The following NDST3 variants were observed in gnomAD, a reference collection of about 807,000 sequenced individuals.
NDST3 encodes the protein bifunctional heparan sulfate N-deacetylase/N-sulfotransferase 3.
A neutral mutation model predicts 96.1 loss-of-function variants in NDST3; 58 were observed. The ratio of observed to expected loss-of-function variants is 0.60; its 90% CI spans 0.49 to 0.75. The LOEUF (loss-of-function observed/expected upper bound fraction) is 0.75, where lower values mean the gene tolerates loss of function less well. Ranked by LOEUF, NDST3 falls within the 30% of genes least tolerant of loss-of-function variation. The probability of loss-of-function intolerance (pLI) is 0.00; values close to 1 mark genes in which losing one functional copy is unlikely to be tolerated. For missense variants in NDST3, 788 were observed against 1,034.2 expected (o/e 0.76, Z 3.27); for synonymous variants, 333 against 359.7 (o/e 0.93, Z 0.84).
At chr4:118,050,248 A>G (rs1300294000) in intron 1 of NDST3, among the ~76,000 whole-genome samples, 2 of 152,178 alleles carry the variant, frequency 1.3e-5, no homozygotes, top group African/African-American at 4.8e-5. Flanking sequence ...AATAAGAGAC[A>G]TCTATGACAA....
At chr4:118,096,067 T>C (rs1319687471) in intron 2 of NDST3, among the ~76,000 whole-genome samples, 6 of 151,968 alleles carry the variant, frequency 3.9e-5, no homozygotes, top group Admixed American at 2.0e-4. Context: ...CACTGTGTTT[T>C]GTTCTTGTGG....
intron 1 of NDST3, among the ~76,000 whole-genome samples, chr4:118,040,946 G>A (rs954108212): frequency 2.7e-5 from 4 of 146,756 alleles, no homozygotes; most frequent in Non-Finnish European, 4.5e-5. Context: ...ATGGGGTTTC[G>A]CTGTGTTGCC....
chr4:118,151,583 G>A (rs930462986), intron 6 of NDST3, among the ~76,000 whole-genome samples: 2 of 152,008 alleles, frequency 1.3e-5, no homozygotes, highest in Non-Finnish European at 2.9e-5. Flanking sequence ...GTAAATGTTA[G>A]GATCAGGCAA....
intron 10 of NDST3, among the ~76,000 whole-genome samples, chr4:118,240,053 T>C (rs753424058): frequency 6.6e-6 from 1 of 151,966 alleles, no homozygotes; most frequent in Non-Finnish European, 1.5e-5. Flanking sequence ...TAGTACTTTC[T>C]TCATTTAAAA....
At chr4:118,213,866 T>C (rs369376273) in intron 6 of NDST3, among the ~76,000 whole-genome samples, 3 of 152,058 alleles carry the variant, frequency 2.0e-5, no homozygotes, top group Non-Finnish European at 2.9e-5. Flanking sequence ...ACTTATGATA[T>C]AGACTTCAAT....
intron 2 of NDST3, among the ~76,000 whole-genome samples, chr4:118,089,469 A>T (rs1055032493): frequency 3.3e-5 from 5 of 151,976 alleles, no homozygotes; most frequent in African/African-American, 1.2e-4. Context: ...TGGCCTAAAT[A>T]GGTAAAATCG....
rs538038609 is a variant in NDST3, at chr4:118,234,229, T to C, written c.1943+1094T>C. Among the ~76,000 whole-genome samples the C allele has an allele frequency of 4.9e-4, 74 of 152,144 alleles. No individual in the cohort carries two copies. The Middle Eastern group carries it at 0.014, about 28-fold the overall frequency. On this transcript the variant is annotated intron_variant, in intron 9 of 13. Coordinates refer to ENST00000296499, the MANE Select transcript of NDST3 (RefSeq NM_004784.3). ...GAGTTTGAGACTAGCCTGGGCAACATAGCAAGACCCCATCTCTAACAAAAA... is the reference window on the plus strand; with the variant it reads ...GAGTTTGAGACTAGCCTGGGCAACACAGCAAGACCCCATCTCTAACAAAAA...
intron 9 of NDST3, 58 bp from the exon 10 acceptor site, chr4:118,236,988 G>A: frequency 7.8e-7 from 1 of 1,288,842 alleles, no homozygotes; most frequent in Non-Finnish European, 1.0e-6. Context: ...TAACATCTTT[G>A]GTCACCAGAA....
Position 118,237,108 on chromosome 4 carries a change from C to T in NDST3, c.2006C>T (p.Ala669Val), listed in dbSNP as rs1740693054. The T allele has an allele frequency of 1.2e-6, 2 of 1,612,106 alleles. No individual in the cohort carries two copies. Among genetic ancestry groups the T allele is most frequent in the African/African-American group, 2.7e-5 (2 of 74,810 alleles). Residue 669 changes from alanine to valine, a missense_variant, in exon 10 of 14, where the codon GCC becomes GTC. Transcript: ENST00000296499. Reference protein sequence around the residue: ...VTTDFLFEKSANYFHSEEAPK... With the variant: ...VTTDFLFEKSVNYFHSEEAPK... Reference sequence around the variant, plus strand: ...ACCGACTTTTTGTTTGAGAAGAGTGCCAATTACTTCCACTCAGAGGAAGCC... The same window carrying T: ...ACCGACTTTTTGTTTGAGAAGAGTGTCAATTACTTCCACTCAGAGGAAGCC...
At chr4:118,080,892 G>A (rs1416660864) in intron 2 of NDST3, among the ~76,000 whole-genome samples, 3 of 152,056 alleles carry the variant, frequency 2.0e-5, no homozygotes, top group African/African-American at 7.2e-5. Context: ...TGAACCCTGT[G>A]GAAAACCAAA....
Position 118,136,892 on chromosome 4 carries a change from G to A in NDST3, c.1225-1162G>A, listed in dbSNP as rs536597421. ...AGATGAGGCTATATAGGTAGGTTGG[G>A]ACCAAATTTTGAGGGCCTTTTATGC... On this transcript the variant is annotated intron_variant, in intron 4 of 13. Coordinates refer to ENST00000296499, the MANE Select transcript of NDST3 (RefSeq NM_004784.3). Among the ~76,000 whole-genome samples the A allele has an allele frequency of 4.6e-5, 7 of 152,270 alleles. No homozygotes were observed. In the East Asian group the frequency reaches 1.2e-3, roughly 25 times the overall value.
chr4:118,086,520 T>C (rs555081336), intron 2 of NDST3, among the ~76,000 whole-genome samples: 1 of 152,224 alleles, frequency 6.6e-6, no homozygotes, highest in Non-Finnish European at 1.5e-5. Context: ...TGTATATGAG[T>C]CACCTCCTGC....
At chr4:118,116,355 T>C (rs757943249) in intron 4 of NDST3, among the ~76,000 whole-genome samples, 3 of 152,010 alleles carry the variant, frequency 2.0e-5, no homozygotes, top group Non-Finnish European at 4.4e-5. Context: ...TACTGAGAAG[T>C]GAGGAGTGAA....
chr4:118,163,411 C>T (rs957423689), intron 6 of NDST3, among the ~76,000 whole-genome samples: 7 of 152,026 alleles, frequency 4.6e-5, no homozygotes, highest in African/African-American at 1.2e-4. Context: ...CCATGGAATA[C>T]TATGCAGCCA....
Position 118,233,013 on chromosome 4 carries a change from TACC to T in NDST3, c.1824_1826del (p.Thr609del). The T allele has an allele frequency of 6.2e-7, 1 of 1,611,710 alleles. No individual in the cohort carries two copies. The highest frequency in any genetic ancestry group is 1.7e-4 in the Middle Eastern group (1 of 6,052). ...TCTGAACCTCTATTGTCTTTCTAGG[TACC>T]ACTGCTTTGTATTTGTTCCTGGTTA... On this transcript the variant is annotated inframe_deletion and splice_region_variant, in exon 9 of 14. Coordinates refer to ENST00000296499, the MANE Select transcript of NDST3 (RefSeq NM_004784.3).
intron 1 of NDST3, among the ~76,000 whole-genome samples, chr4:118,049,117 A>G (rs1377604485): frequency 6.6e-6 from 1 of 152,164 alleles, no homozygotes; most frequent in Non-Finnish European, 1.5e-5. Flanking sequence ...TTGCTCCTGA[A>G]TAACTCCTTG....
At chr4:118,244,923 GAATGAA>G (rs1471401418) in intron 12 of NDST3, among the ~76,000 whole-genome samples, 1 of 152,046 alleles carries the variant, frequency 6.6e-6, no homozygotes, top group East Asian at 1.9e-4. Context: ...GTGATTGTGT[GAATGAA>G]ATAAGCAAAA....
chr4:118,178,144 A>G (rs1736388635), intron 6 of NDST3, among the ~76,000 whole-genome samples: 1 of 152,030 alleles, frequency 6.6e-6, no homozygotes, highest in Non-Finnish European at 1.5e-5. Flanking sequence ...GGCTGAAATT[A>G]GAATCTGGAT....
intron 4 of NDST3, among the ~76,000 whole-genome samples, chr4:118,134,716 T>C (rs1037407933): frequency 1.3e-5 from 2 of 152,172 alleles, no homozygotes; most frequent in Non-Finnish European, 2.9e-5. Context: ...GTGGAAATCA[T>C]GAGTTCAACT....
Sources: gnomAD v4.1 joint callset for allele counts (sites outside exome capture counted in the v4.1 genomes callset) on GRCh38, gnomAD v4.1.1 for gene constraint, MANE v1.5 for transcripts, NCBI Gene and HGNC (gene_info 2026-07-23, HGNC 2026-07-21) for gene names.